Variants in ERC1 observed in about 807,000 individuals in gnomAD.
The protein encoded by ERC1 is RAB6 interacting protein 2.
In ERC1, 56 loss-of-function variants were observed where a neutral mutation model predicts 132.0. The observed-to-expected ratio is 0.42, with a 90% confidence interval of 0.34 to 0.53. The LOEUF (loss-of-function observed/expected upper bound fraction) is 0.53. Ranked by LOEUF, ERC1 falls within the 20% of genes least tolerant of loss-of-function variation. The pLI, the probability that ERC1 is intolerant of heterozygous loss-of-function variation, is 0.03. For missense variants in ERC1, 1,202 were observed against 1,349.9 expected (o/e 0.89, Z 1.72); for synonymous variants, 478 against 476.1 (o/e 1.00, Z -0.05).
At chr12:1,331,102 C>T (rs1336767889) in intron 15 of ERC1, among the ~76,000 whole-genome samples, 2 of 152,180 alleles carry the variant, frequency 1.3e-5, no homozygotes, top group Non-Finnish European at 2.9e-5. Flanking sequence ...TGTAACCTGA[C>T]ACCCAAATCA....
chr12:1,077,993 A>G (rs1027156856), intron 2 of ERC1, among the ~76,000 whole-genome samples: 1 of 152,322 alleles, frequency 6.6e-6, no homozygotes, highest in African/African-American at 2.4e-5. Flanking sequence ...TTTTTATACT[A>G]TAGTAAAATG....
chr12:1,042,616 G>A (rs1970436094), intron 2 of ERC1, among the ~76,000 whole-genome samples: 1 of 151,908 alleles, frequency 6.6e-6, no homozygotes. Context: ...GGGATTACAG[G>A]TGTGAGCCAC....
chr12:1,152,441 C>G (rs1950922158), intron 8 of ERC1: 1 of 152,698 alleles, frequency 6.5e-6, no homozygotes, highest in Admixed American at 6.6e-5. Context: ...GCGCCTTTGC[C>G]TCTCATGGAG....
chr12:1,289,878 G>A lies in ERC1; in HGVS notation c.2646G>A (p.Glu882=). ...TGGAGGAGTTACTGATGGCCATGGA[G>A]AAGGTAAAGCAGGAACTAGAATCCA... ...KQVEELLMAM[E]KVKQELESMK... Residue 882 remains glutamate (E), a synonymous_variant, in exon 15 of 19, where the codon GAG becomes GAA. Transcript: ENST00000360905. 1 of 1,613,800 alleles carries A rather than the reference G, an allele frequency of 6.2e-7. No individual in the cohort carries two copies. Among genetic ancestry groups the A allele is most frequent in the Non-Finnish European group, 8.5e-7 (1 of 1,179,724 alleles).
chr12:1,017,254 C>T (rs1965670873), intron 1 of ERC1, among the ~76,000 whole-genome samples: 1 of 152,204 alleles, frequency 6.6e-6, no homozygotes, highest in South Asian at 2.1e-4. Flanking sequence ...GCCTCAGCCT[C>T]CCAAAGTGCT....
In ERC1 at chr12:1,455,636, A is replaced by G. The variant is rs141275333; in HGVS notation, c.3213+10886A>G. Reference sequence around the variant, plus strand: ...CAGCACTGACATTAGCTCACGTAGAACTAACATCTACTCAGGGAGTTGCGT... The same window carrying G: ...CAGCACTGACATTAGCTCACGTAGAGCTAACATCTACTCAGGGAGTTGCGT... On this transcript the variant is annotated intron_variant, in intron 18 of 18. Transcript: ENST00000360905. Among the ~76,000 whole-genome samples, 5 of 152,336 alleles carry G rather than the reference A, an allele frequency of 3.3e-5. No homozygotes were observed. In the East Asian group the frequency reaches 9.6e-4, roughly 29 times the overall value.
At chr12:1,374,667 C>A (rs2087660622) in intron 16 of ERC1, among the ~76,000 whole-genome samples, 1 of 152,262 alleles carries the variant, frequency 6.6e-6, no homozygotes, top group Admixed American at 6.5e-5. Context: ...GCAGTTGTCA[C>A]AAGATGGCCT....
At chr12:1,127,073 TAAAG>T (rs1298568647) in intron 7 of ERC1, among the ~76,000 whole-genome samples, 1 of 144,460 alleles carries the variant, frequency 6.9e-6, no homozygotes, top group Non-Finnish European at 1.5e-5. Context: ...AATTAACAGA[TAAAG>T]AAACCTAAGT....
At chr12:1,098,840 GA>G (rs1944350853) in intron 3 of ERC1, among the ~76,000 whole-genome samples, 1 of 152,214 alleles carries the variant, frequency 6.6e-6, no homozygotes, top group South Asian at 2.1e-4. Context: ...ATGGAAAAGA[GA>G]AAAAGGTTAG....
At position 1,110,297 on chromosome 12, in the gene ERC1, A is replaced by G; in HGVS notation, c.1267A>G (p.Met423Val). The G allele has an allele frequency of 6.2e-7, 1 of 1,613,648 alleles. No individual in the cohort carries two copies. The highest frequency in any genetic ancestry group is 1.3e-5 in the African/African-American group (1 of 75,044). Residue 423 changes from methionine to valine, a missense_variant, in exon 5 of 19, where the codon ATG (methionine) becomes GTG (valine). Met to Val is a conservative substitution (Grantham distance 21). Coordinates refer to ENST00000360905, the MANE Select transcript of ERC1 (RefSeq NM_178040.4). ...GAGTACTGAGGAAAGGGAAGAAGAA[A>G]TGAAGCAAATGGAAGTGTATCGGAG... ...ALSTEEREEE[M>V]KQMEVYRSHS...
chr12:998,963 G>T (rs1961560203), intron 1 of ERC1, among the ~76,000 whole-genome samples: 1 of 148,882 alleles, frequency 6.7e-6, no homozygotes, highest in African/African-American at 2.5e-5. Flanking sequence ...GGGTTCAAGT[G>T]ATTCTCCTGC....
At chr12:1,000,790 G>A (rs1464238366) in intron 1 of ERC1, among the ~76,000 whole-genome samples, 1 of 152,112 alleles carries the variant, frequency 6.6e-6, no homozygotes, top group Non-Finnish European at 1.5e-5. Flanking sequence ...GTCTGAAATT[G>A]TAAAAACTTC....
intron 12 of ERC1, among the ~76,000 whole-genome samples, chr12:1,227,497 C>T (rs71454821): frequency 0.042 from 6,340 of 152,238 alleles, 193 homozygotes; most frequent in Non-Finnish European, 0.066. Context: ...ATCCTTTGCC[C>T]ATTTTAAAAT....
At chr12:1,196,961 C>CAT (rs1298930775) in intron 12 of ERC1, among the ~76,000 whole-genome samples, 19 of 17,928 alleles carry the variant, frequency 1.1e-3, no homozygotes, top group Non-Finnish European at 1.4e-3. Context: ...CACACACACA[C>CAT]ATATATATAT....
chr12:1,026,806 C>T (rs1309594106), intron 1 of ERC1, among the ~76,000 whole-genome samples: 1 of 152,142 alleles, frequency 6.6e-6, no homozygotes, highest in African/African-American at 2.4e-5. Flanking sequence ...GTCTTCCTTC[C>T]TTGTTCATCT....
chr12:1,050,766 G>A (rs1971812490), intron 2 of ERC1, among the ~76,000 whole-genome samples: 1 of 152,176 alleles, frequency 6.6e-6, no homozygotes, highest in African/African-American at 2.4e-5. Context: ...AGCACTTTGG[G>A]AGGCCGAGGC....
chr12:1,226,026 C>T (rs2154297596), intron 12 of ERC1, among the ~76,000 whole-genome samples: 1 of 152,194 alleles, frequency 6.6e-6, no homozygotes, highest in East Asian at 1.9e-4. Context: ...TAATTGATAT[C>T]AGATTGTTAA....
At chr12:1,438,954 A>AAAAAAAATATATATATATATATAT (rs1015181197) in intron 17 of ERC1, among the ~76,000 whole-genome samples, 2 of 143,486 alleles carry the variant, frequency 1.4e-5, no homozygotes, top group African/African-American at 5.2e-5. Flanking sequence ...TTTAAAAAAA[A>AAAAAAAATATATATATATATATAT]ATATATATAT....
intron 15 of ERC1, among the ~76,000 whole-genome samples, chr12:1,362,155 A>G (rs1019465956): frequency 2.0e-5 from 3 of 152,178 alleles, no homozygotes; most frequent in Admixed American, 2.0e-4. Flanking sequence ...ATCACCATAA[A>G]TGATATTTAA....
Sources: gnomAD v4.1 joint callset for allele counts (sites outside exome capture counted in the v4.1 genomes callset) on GRCh38, gnomAD v4.1.1 for gene constraint, MANE v1.5 for transcripts, NCBI Gene and HGNC (gene_info 2026-07-23, HGNC 2026-07-21) for gene names.